SEC22A: variants seen among roughly 807,000 people sequenced by gnomAD.
SEC22A encodes the protein SEC22 homolog A, vesicle trafficking protein.
Under a neutral mutation model 35.3 loss-of-function variants are expected in SEC22A, and 22 were observed. The observed-to-expected ratio is 0.62, with a 90% CI of 0.45 to 0.89. The LOEUF is 0.89. Ranked by LOEUF, SEC22A falls within the 40% of genes least tolerant of loss-of-function variation. The pLI is 0.00. For missense variants in SEC22A, 354 were observed against 362.5 expected (o/e 0.98, Z 0.19); for synonymous variants, 119 against 129.5 (o/e 0.92, Z 0.55).
At chr3:123,233,195 G>A (rs1179911199) in intron 4 of SEC22A, among the ~76,000 whole-genome samples, 2 of 152,112 alleles carry the variant, frequency 1.3e-5, no homozygotes, top group Non-Finnish European at 2.9e-5. Context: ...TGAATATATG[G>A]TGGTGATTTC....
intron 2 of SEC22A, among the ~76,000 whole-genome samples, chr3:123,214,125 G>A (rs1227081858): frequency 6.6e-6 from 1 of 152,218 alleles, no homozygotes; most frequent in African/African-American, 2.4e-5. Flanking sequence ...AACCCAGGAA[G>A]CGGAGGCTGC....
In SEC22A at chr3:123,271,837, C is replaced by A; in HGVS notation, c.*115C>A. 1.2e-6 allele frequency: 1 copy of A among 856,106 alleles called. No individual in the cohort carries two copies. The highest frequency in any genetic ancestry group is 1.8e-6 in the Non-Finnish European group (1 of 559,286). The allele number at this position is 856,106 out of a possible 1,614,324, so 53.0% of individuals were successfully genotyped here. On this transcript the variant is annotated 3_prime_UTR_variant, in exon 7 of 7. Transcript: ENST00000492595. ...AGAGGAGAAGCTCTGCTTTCTTTCT[C>A]TCCAACTTTCCTTTTTTAAAATCAG...
intron 6 of SEC22A, among the ~76,000 whole-genome samples, chr3:123,260,898 C>T (rs1265536117): frequency 3.4e-5 from 5 of 146,620 alleles, no homozygotes; most frequent in East Asian, 2.0e-4. Context: ...TGCAGTTGTG[C>T]GATCTCGGCT....
intron 6 of SEC22A, among the ~76,000 whole-genome samples, chr3:123,262,961 A>G (rs1937926327): frequency 6.6e-6 from 1 of 152,174 alleles, no homozygotes; most frequent in African/African-American, 2.4e-5. Context: ...ACTATATAAA[A>G]CGGTATCACA....
intron 6 of SEC22A, among the ~76,000 whole-genome samples, chr3:123,260,015 C>A (rs1173526570): frequency 6.6e-6 from 1 of 151,624 alleles, no homozygotes; most frequent in Admixed American, 6.6e-5. Context: ...GCCTGTAGTC[C>A]CAGCTACTTG....
chr3:123,218,333 C>T lies in SEC22A; in HGVS notation c.183-5226C>T, dbSNP rs532797219. ...AGCAGTACCAGTAAAGACCAAACCC[C>T]ACTGGCACCAAAGCCCAGAAATGGA... On this transcript the variant is annotated intron_variant, in intron 2 of 6. Transcript: ENST00000492595. Among the ~76,000 whole-genome samples the T allele has an allele frequency of 2.6e-5, 4 of 152,250 alleles. No homozygotes were observed. The South Asian group carries it at 8.3e-4, about 32-fold the overall frequency.
chr3:123,259,278 C>T (rs1246742457), intron 5 of SEC22A, among the ~76,000 whole-genome samples: 2 of 152,058 alleles, frequency 1.3e-5, no homozygotes, highest in Non-Finnish European at 2.9e-5. Flanking sequence ...TGGTTTTCCT[C>T]TTTTGAGTGG....
At chr3:123,260,515 G>A (rs1937867400) in intron 6 of SEC22A, among the ~76,000 whole-genome samples, 1 of 152,186 alleles carries the variant, frequency 6.6e-6, no homozygotes, top group South Asian at 2.1e-4. Context: ...GTGACATGGA[G>A]ACTGATAGTC....
chr3:123,269,213 G>GTATATA (rs1232781622), intron 6 of SEC22A, among the ~76,000 whole-genome samples: 2 of 81,040 alleles, frequency 2.5e-5, no homozygotes, highest in African/African-American at 7.4e-5. Flanking sequence ...GTGTGTGTGT[G>GTATATA]TGTATATATT....
intron 1 of SEC22A, chr3:123,208,858 G>A (rs780269848): frequency 1.3e-5 from 3 of 233,228 alleles, no homozygotes; most frequent in South Asian, 1.1e-4. Flanking sequence ...TCAGTGACGC[G>A]ATTTCGGCTC....
intron 2 of SEC22A, among the ~76,000 whole-genome samples, chr3:123,218,903 T>C (rs1307778368): frequency 6.6e-6 from 1 of 152,148 alleles, no homozygotes; most frequent in Non-Finnish European, 1.5e-5. Flanking sequence ...AATACAGAAA[T>C]CATCCCTGCT....
At position 123,209,376 on chromosome 3, in the gene SEC22A, G is replaced by A; in HGVS notation, c.159G>A (p.Leu53=). The change falls in exon 2 of 7, where the codon CTG becomes CTA. Residue 53 remains leucine, a synonymous_variant. Transcript: ENST00000492595. The stretch of plus-strand genomic sequence containing the variant: ...CTCAACTTCCTGATAGATGTACACT[G>A]AAAACTGGACATTATAACATTAAGT... ...KLAQLPDRCT[L]KTGHYNINFI... The A allele has an allele frequency of 2.5e-6, 4 of 1,613,274 alleles. No homozygotes were observed. Among genetic ancestry groups the A allele is most frequent in the Non-Finnish European group, 3.4e-6 (4 of 1,179,396 alleles).
chr3:123,212,408 T>C (rs1174349345), intron 2 of SEC22A, among the ~76,000 whole-genome samples: 2 of 152,288 alleles, frequency 1.3e-5, no homozygotes, highest in East Asian at 3.9e-4. Context: ...GCTCTGTTAG[T>C]GTCCTGGGTC....
intron 4 of SEC22A, among the ~76,000 whole-genome samples, chr3:123,242,446 T>C (rs1450784845): frequency 6.6e-6 from 1 of 152,186 alleles, no homozygotes; most frequent in Non-Finnish European, 1.5e-5. Context: ...ATCTAATTAG[T>C]TGCCAAGTCT....
chr3:123,262,713 T>C (rs758773200), intron 6 of SEC22A, among the ~76,000 whole-genome samples: 3 of 152,212 alleles, frequency 2.0e-5, no homozygotes, highest in Non-Finnish European at 4.4e-5. Flanking sequence ...GTTAATTGTA[T>C]TAAATACATT....
chr3:123,218,932 TAGTG>T (rs1236979077), intron 2 of SEC22A, among the ~76,000 whole-genome samples: 15 of 152,290 alleles, frequency 9.8e-5, no homozygotes, highest in African/African-American at 2.6e-4. Context: ...GTGTGTATAT[TAGTG>T]AGAGAGACAT....
intron 5 of SEC22A, among the ~76,000 whole-genome samples, chr3:123,248,119 A>T (rs981383245): frequency 1.3e-5 from 2 of 152,218 alleles, no homozygotes; most frequent in Admixed American, 1.3e-4. Flanking sequence ...TAATGATGAG[A>T]AACTAGATGC....
At chr3:123,236,507 T>C (rs1937421024) in intron 4 of SEC22A, among the ~76,000 whole-genome samples, 1 of 152,214 alleles carries the variant, frequency 6.6e-6, no homozygotes, top group African/African-American at 2.4e-5. Flanking sequence ...TTGGTGCTTT[T>C]ACCCATTTTG....
chr3:123,255,568 CT>C (rs1222727034), intron 5 of SEC22A, among the ~76,000 whole-genome samples: 1 of 152,182 alleles, frequency 6.6e-6, no homozygotes, highest in Admixed American at 6.5e-5. Context: ...TGCCTCCCAA[CT>C]TTCTTCCTCA....
Sources: allele counts gnomAD v4.1 joint callset (sites outside exome capture counted in the v4.1 genomes callset), GRCh38; gene constraint gnomAD v4.1.1; transcripts MANE v1.5; gene names NCBI Gene and HGNC (gene_info 2026-07-23, HGNC 2026-07-21).